Variants in PDE4D observed in about 807,000 individuals in gnomAD.
The protein encoded by PDE4D is phosphodiesterase 4D.
A neutral mutation model predicts 87.4 loss-of-function variants in PDE4D; 24 were observed. The ratio of observed to expected loss-of-function variants is 0.27; its 90% CI spans 0.20 to 0.39. The LOEUF (loss-of-function observed/expected upper bound fraction) is 0.39. PDE4D is among the 10% of genes least tolerant of loss of function. The pLI is 1.00. For synonymous variants in PDE4D, 384 were observed against 383.2 expected, an observed-to-expected ratio of 1.00 and a Z score of -0.02; for missense variants, 714 against 1,041.0, an observed-to-expected ratio of 0.69 and a Z score of 4.32.
intron 3 of PDE4D, among the ~76,000 whole-genome samples, chr5:59,908,889 C>A (rs150741008): frequency 2.0e-5 from 3 of 152,092 alleles, no homozygotes; most frequent in Non-Finnish European, 4.4e-5. Flanking sequence ...AAAGTGGTAG[C>A]TTAATTTTTT....
At chr5:59,335,284 TG>T (rs1200145189) in intron 1 of PDE4D, among the ~76,000 whole-genome samples, 1 of 152,108 alleles carries the variant, frequency 6.6e-6, no homozygotes, top group Non-Finnish European at 1.5e-5. Context: ...GCCCAGAGCA[TG>T]GGAACCAACT....
chr5:59,525,741 G>A (rs1812997250), intron 1 of PDE4D, among the ~76,000 whole-genome samples: 1 of 152,178 alleles, frequency 6.6e-6, no homozygotes, highest in African/African-American at 2.4e-5. Flanking sequence ...TAGATCATGG[G>A]AGCAGATCCC....
chr5:59,105,787 C>T (rs556179676), intron 5 of PDE4D, among the ~76,000 whole-genome samples: 1 of 152,246 alleles, frequency 6.6e-6, no homozygotes, highest in East Asian at 1.9e-4. Flanking sequence ...CTAACAAGCA[C>T]CGATGTGACT....
intron 1 of PDE4D, among the ~76,000 whole-genome samples, chr5:59,759,085 C>T (rs1761648338): frequency 6.6e-6 from 1 of 151,884 alleles, no homozygotes; most frequent in Non-Finnish European, 1.5e-5. Flanking sequence ...TATTTTGCTA[C>T]ATTAGAGATA....
chr5:59,039,135 G>T (rs529785585), intron 5 of PDE4D, 164 bp from the exon 6 acceptor site: 3 of 1,361,332 alleles, frequency 2.2e-6, no homozygotes, highest in Middle Eastern at 2.1e-4. Context: ...TGCAACGGGG[G>T]CGGAGGCTGT....
intron 2 of PDE4D, among the ~76,000 whole-genome samples, chr5:60,136,610 C>A (rs927265950): frequency 6.6e-6 from 1 of 152,134 alleles, no homozygotes; most frequent in Non-Finnish European, 1.5e-5. Flanking sequence ...TAAACCATAG[C>A]ATTGTCACAC....
At chr5:59,987,414 A>C (rs992749641) in intron 3 of PDE4D, 1 of 152,138 alleles carries the variant, frequency 6.6e-6, no homozygotes, top group Non-Finnish European at 1.5e-5. Flanking sequence ...TTGTTTTCTT[A>C]TTATTTATCT....
chr5:59,198,919 A>T (rs1047262035), intron 2 of PDE4D, among the ~76,000 whole-genome samples: 1 of 152,214 alleles, frequency 6.6e-6, no homozygotes, highest in Non-Finnish European at 1.5e-5. Flanking sequence ...GCCTGTTGTC[A>T]TCTTAAAAAA....
At chr5:59,986,884 G>C (rs775993648) in intron 3 of PDE4D, 9 of 152,202 alleles carry the variant, frequency 5.9e-5, no homozygotes, top group Non-Finnish European at 8.8e-5. Flanking sequence ...GGCTTCCCTG[G>C]TAAAGGCATC....
intron 1 of PDE4D, among the ~76,000 whole-genome samples, chr5:60,451,611 C>T (rs988449920): frequency 6.6e-6 from 1 of 152,002 alleles, no homozygotes; most frequent in African/African-American, 2.4e-5. Context: ...GACCAAAAGG[C>T]AACTGATATT....
At chr5:59,510,815 G>A (rs1234984472) in intron 1 of PDE4D, among the ~76,000 whole-genome samples, 1 of 151,956 alleles carries the variant, frequency 6.6e-6, no homozygotes, top group Non-Finnish European at 1.5e-5. Flanking sequence ...CCAGTGAAAA[G>A]TGGTGGCACT....
chr5:60,293,915 T>C (rs1383944832), intron 1 of PDE4D, among the ~76,000 whole-genome samples: 1 of 152,244 alleles, frequency 6.6e-6, no homozygotes, highest in East Asian at 1.9e-4. Context: ...GATATAATTT[T>C]TTATGTGTAA....
chr5:60,292,570 G>C (rs905741317), intron 1 of PDE4D, among the ~76,000 whole-genome samples: 4 of 152,182 alleles, frequency 2.6e-5, no homozygotes, highest in African/African-American at 9.6e-5. Context: ...TAATTCTACT[G>C]AATGCTTTAA....
At chr5:59,327,130 A>T (rs1286494423) in intron 1 of PDE4D, among the ~76,000 whole-genome samples, 1 of 47,234 alleles carries the variant, frequency 2.1e-5, no homozygotes, top group Admixed American at 3.1e-4. Context: ...CAGAAACAGA[A>T]ATACACACAC....
chr5:60,347,061 T>C (rs969259903), intron 1 of PDE4D, among the ~76,000 whole-genome samples: 10 of 152,058 alleles, frequency 6.6e-5, no homozygotes, highest in African/African-American at 2.4e-4. Context: ...ACAAAACAAT[T>C]TAAGGCAGAC....
At chr5:59,295,657 G>A (rs1004300702) in intron 1 of PDE4D, among the ~76,000 whole-genome samples, 3 of 152,100 alleles carry the variant, frequency 2.0e-5, no homozygotes, top group Admixed American at 6.6e-5. Context: ...TACCTTCCCT[G>A]TGTATTCTGT....
intron 1 of PDE4D, among the ~76,000 whole-genome samples, chr5:59,472,247 A>T (rs996698698): frequency 7.9e-5 from 12 of 152,226 alleles, no homozygotes. Context: ...ATCCAATGAC[A>T]ATCTTATTTG....
At chr5:59,241,453 C>T (rs1001526071) in intron 1 of PDE4D, among the ~76,000 whole-genome samples, 5 of 152,192 alleles carry the variant, frequency 3.3e-5, no homozygotes, top group African/African-American at 9.6e-5. Context: ...GGTGATTGTC[C>T]TATTCCTGAC....
chr5:59,240,789 C>T (rs1412270633), intron 1 of PDE4D, among the ~76,000 whole-genome samples: 1 of 63,644 alleles, frequency 1.6e-5, no homozygotes, highest in African/African-American at 6.9e-5. Flanking sequence ...AACACACACA[C>T]ACACACACAC....
Sources: gnomAD v4.1 joint callset for allele counts (sites outside exome capture counted in the v4.1 genomes callset) on GRCh38, gnomAD v4.1.1 for gene constraint, MANE v1.5 for transcripts, NCBI Gene and HGNC (gene_info 2026-07-23, HGNC 2026-07-21) for gene names.